The following ZNF43 variants were observed in gnomAD, a reference collection of about 807,000 sequenced individuals.
The protein encoded by ZNF43 is zinc finger protein 43.
Under a neutral mutation model 68.4 loss-of-function variants are expected in ZNF43, and 44 were observed. The ratio of observed to expected loss-of-function variants is 0.64; its 90% CI spans 0.51 to 0.83. The LOEUF (loss-of-function observed/expected upper bound fraction) is 0.83, where lower values mean the gene tolerates loss of function less well. Ranked by LOEUF, ZNF43 falls within the 40% of genes least tolerant of loss-of-function variation. ZNF43 has a pLI of 0.00. For missense variants in ZNF43, 896 were observed against 933.2 expected (o/e 0.96, Z 0.52); for synonymous variants, 308 against 307.8 (o/e 1.00, Z -0.01).
At chr19:21,830,167 C>G (rs1253551996) in intron 1 of ZNF43, among the ~76,000 whole-genome samples, 1 of 151,834 alleles carries the variant, frequency 6.6e-6, no homozygotes, top group Non-Finnish European at 1.5e-5. Context: ...AGGAGAATTG[C>G]TTGAACCAGG....
Position 21,809,825 on chromosome 19 carries a change from A to G in ZNF43, c.230-18T>C. 6.6e-7 allele frequency: 1 copy of G among 1,504,300 alleles called. No individual in the cohort carries two copies. Among genetic ancestry groups the G allele is most frequent in the African/African-American group, 1.4e-5 (1 of 71,772 alleles). The allele number at this position is 1,504,300 out of a possible 1,614,324, so 93.2% of individuals were successfully genotyped here. A position where few individuals can be genotyped will look rare whatever the true frequency, so the allele number is the denominator to read the frequency against. ...ACACATAACTGAAAAAAATAAAAAT[A>G]ACAAATTATTCCACTTGCTAGACTC... is the stretch of plus-strand genomic sequence containing the variant. On this transcript the variant is annotated intron_variant, in intron 3 of 3. Transcript: ENST00000354959.
chr19:21,812,423 C>T (rs1015996898), intron 3 of ZNF43, among the ~76,000 whole-genome samples: 2 of 152,118 alleles, frequency 1.3e-5, no homozygotes, highest in Non-Finnish European at 2.9e-5. Flanking sequence ...CTATAAACAA[C>T]TCTTAAAACT....
At chr19:21,812,143 T>C in intron 3 of ZNF43, 1 of 382,548 alleles carries the variant, frequency 2.6e-6, no homozygotes, top group East Asian at 3.7e-5. Context: ...TTCTTTTTTT[T>C]TGAGACGGAG....
intron 1 of ZNF43, among the ~76,000 whole-genome samples, chr19:21,847,697 C>T (rs977664983): frequency 1.2e-4 from 14 of 112,622 alleles, no homozygotes; most frequent in Admixed American, 2.4e-4. Context: ...ACTCCGTCTC[C>T]GAAAAAAAAA....
Position 21,808,283 on chromosome 19 carries a change from T to C in ZNF43, c.1754A>G (p.Lys585Arg). ...GAATTTCTCTCCAGTATGAATTTTC[T>C]TATGTGTAGTAAGGTTTGAGGATTG... Reference protein sequence around the residue: ...FTQSSNLTTHKKIHTGEKFYK... With the variant: ...FTQSSNLTTHRKIHTGEKFYK... The change falls in exon 4 of 4, where the codon AAG becomes AGG. Residue 585 changes from lysine to arginine, a missense_variant. Transcript: ENST00000354959. 1 of 1,613,658 alleles carries C rather than the reference T, an allele frequency of 6.2e-7. No individual in the cohort carries two copies. The highest frequency in any genetic ancestry group is 8.5e-7 in the Non-Finnish European group (1 of 1,179,876).
intron 3 of ZNF43, among the ~76,000 whole-genome samples, chr19:21,814,663 C>A (rs2037435453): frequency 6.6e-6 from 1 of 151,990 alleles, no homozygotes; most frequent in African/African-American, 2.4e-5. Flanking sequence ...CTGCCTCAGC[C>A]TCTCAAAGTG....
rs747035361 is a variant in ZNF43, at chr19:21,819,238, A to G, written c.4-17T>C. On this transcript the variant is annotated splice_polypyrimidine_tract_variant and intron_variant, in intron 1 of 3. Transcript: ENST00000354959. ...CAATGGTCCCTAAAAAAAACAACAC[A>G]TACACACACAAACACACACATTTAC... 1 of 1,577,150 alleles carries G rather than the reference A, an allele frequency of 6.3e-7. No homozygotes were observed. Among genetic ancestry groups the G allele is most frequent in the South Asian group, 1.2e-5 (1 of 85,008 alleles).
Position 21,809,736 on chromosome 19 carries a change from G to T in ZNF43, c.301C>A (p.Leu101Met). 5 of 1,606,330 alleles carry T rather than the reference G, an allele frequency of 3.1e-6. No homozygotes were observed. Among genetic ancestry groups the T allele is most frequent in the Non-Finnish European group, 4.2e-6 (5 of 1,178,158 alleles). The change falls in exon 4 of 4, where the codon CTG becomes ATG. Residue 101 changes from leucine (L) to methionine (M), a missense_variant. By Grantham distance (15) the Leu-to-Met change is conservative. Coordinates refer to ENST00000354959, the MANE Select transcript of ZNF43 (RefSeq NM_003423.4). ...TGTTCACAGTTTTTATATCTTCTCA[G>T]TGTCGCTTTTTGGAAAGGATCTTTT... is the stretch of plus-strand genomic sequence containing the variant. The part of the protein sequence containing the change: ...HIKDPFQKAT[L>M]RRYKNCEHKN...
intron 1 of ZNF43, among the ~76,000 whole-genome samples, chr19:21,822,709 G>C (rs890406014): frequency 1.1e-4 from 16 of 152,098 alleles, no homozygotes; most frequent in East Asian, 3.9e-4. Context: ...GGAGGCTGAG[G>C]GGGGAGAATG....
chr19:21,845,138 A>T (rs1408481687), intron 1 of ZNF43, among the ~76,000 whole-genome samples: 7 of 151,546 alleles, frequency 4.6e-5, no homozygotes, highest in Admixed American at 4.6e-4. Flanking sequence ...AGCAAGTTAC[A>T]CCACCTGGGT....
chr19:21,846,050 T>C (rs1043067672), intron 1 of ZNF43, among the ~76,000 whole-genome samples: 3 of 151,884 alleles, frequency 2.0e-5, no homozygotes, highest in African/African-American at 7.3e-5. Context: ...CATGTCACAA[T>C]ACCCGGATAA....
intron 2 of ZNF43, among the ~76,000 whole-genome samples, chr19:21,818,622 T>C (rs2037647858): frequency 6.6e-6 from 1 of 152,114 alleles, no homozygotes; most frequent in South Asian, 2.1e-4. Context: ...GGTTTTGCCA[T>C]GTTGGTCAGG....
At chr19:21,828,205 A>C (rs2038228444) in intron 1 of ZNF43, among the ~76,000 whole-genome samples, 1 of 152,250 alleles carries the variant, frequency 6.6e-6, no homozygotes, top group Non-Finnish European at 1.5e-5. Flanking sequence ...GTCATAATGT[A>C]TGTAGTATTC....
intron 1 of ZNF43, among the ~76,000 whole-genome samples, chr19:21,833,081 A>C (rs977084839): frequency 3.7e-4 from 57 of 152,274 alleles, no homozygotes; most frequent in African/African-American, 1.4e-3. Context: ...ACGTTTTCTT[A>C]TAAAAATGTA....
chr19:21,839,331 CAAAAAAAAAAAA>C (rs61335194), upstream of ZNF43, among the ~76,000 whole-genome samples: 11 of 28,300 alleles, frequency 3.9e-4, no homozygotes, highest in East Asian at 4.0e-3. Flanking sequence ...AGAGATCAGG[CAAAAAAAAAAAA>C]AAAAAAAAAA....
upstream of ZNF43, chr19:21,838,887 A>T (rs1425561741): frequency 6.6e-6 from 1 of 152,060 alleles, no homozygotes; most frequent in African/African-American, 2.4e-5. Context: ...ATGAGATAGG[A>T]GGTCAGCACA....
chr19:21,829,032 CAAAAAAAA>C (rs551226809), intron 1 of ZNF43, among the ~76,000 whole-genome samples: 23 of 38,812 alleles, frequency 5.9e-4, no homozygotes, highest in South Asian at 1.4e-3. Context: ...GACTCTGTCT[CAAAAAAAA>C]AAAAAAAAAA....
chr19:21,831,457 T>C (rs1030887409), intron 1 of ZNF43, among the ~76,000 whole-genome samples: 2 of 151,904 alleles, frequency 1.3e-5, no homozygotes, highest in Non-Finnish European at 2.9e-5. Flanking sequence ...CACCTCCTGG[T>C]TTCAAGCAAT....
intron 1 of ZNF43, 137 bp from the exon 2 acceptor site, chr19:21,819,358 C>A: frequency 1.0e-6 from 1 of 960,022 alleles, no homozygotes; most frequent in Non-Finnish European, 1.4e-6. Flanking sequence ...TGAAATTATC[C>A]AATAAAATAA....
Sources: gnomAD v4.1 joint callset for allele counts (sites outside exome capture counted in the v4.1 genomes callset) on GRCh38, gnomAD v4.1.1 for gene constraint, MANE v1.5 for transcripts, NCBI Gene and HGNC (gene_info 2026-07-23, HGNC 2026-07-21) for gene names.